APPL2: variants seen among roughly 807,000 people sequenced by gnomAD.
The protein encoded by APPL2 is DCC-interacting protein 13-beta.
A neutral mutation model predicts 92.7 loss-of-function variants in APPL2; 84 were observed. The ratio of observed to expected loss-of-function variants is 0.91; its 90% CI spans 0.76 to 1.09. APPL2 has a LOEUF of 1.09. Ranked by LOEUF, APPL2 falls within the 50% of genes least tolerant of loss-of-function variation. The pLI is 0.00. For missense variants in APPL2, 736 were observed against 824.5 expected, an observed-to-expected ratio of 0.89 and a Z score of 1.31; for synonymous variants, 291 against 291.0, an observed-to-expected ratio of 1.00 and a Z score of 0.00.
intron 17 of APPL2, among the ~76,000 whole-genome samples, chr12:105,185,071 C>T (rs1195121299): frequency 6.6e-6 from 1 of 152,166 alleles, no homozygotes; most frequent in Non-Finnish European, 1.5e-5. Context: ...GGAAAACCAC[C>T]TACTCAAGCC....
chr12:105,235,865 T>A, intron 1 of APPL2, 94 bp downstream of exon 1: 1 of 1,078,730 alleles, frequency 9.3e-7, no homozygotes, highest in Non-Finnish European at 1.2e-6. Context: ...CTCCCGCGGC[T>A]GCCCGGCCGG....
intron 14 of APPL2, among the ~76,000 whole-genome samples, chr12:105,192,924 T>G (rs1433381232): frequency 6.6e-6 from 1 of 152,190 alleles, no homozygotes; most frequent in Non-Finnish European, 1.5e-5. Context: ...TAGAAGTAAA[T>G]AGCAGTTTGT....
At chr12:105,200,864 G>GTATGTATGTATCTATC (rs757298388) in intron 9 of APPL2, among the ~76,000 whole-genome samples, 78 of 135,064 alleles carry the variant, frequency 5.8e-4, no homozygotes, top group East Asian at 8.7e-4. Flanking sequence ...ATGTATGTAT[G>GTATGTATGTATCTATC]TATCTATCTA....
intron 2 of APPL2, among the ~76,000 whole-genome samples, chr12:105,227,109 A>C (rs1890567594): frequency 6.7e-6 from 1 of 148,882 alleles, no homozygotes; most frequent in Non-Finnish European, 1.5e-5. Context: ...TGACAGAGTA[A>C]GACCCTGTCT....
intron 19 of APPL2, chr12:105,176,465 CAA>C: frequency 6.8e-6 from 3 of 438,102 alleles, no homozygotes. Context: ...CAGATAGAGT[CAA>C]AAGTTTTTCA....
chr12:105,219,663 A>C (rs913812163), intron 2 of APPL2, among the ~76,000 whole-genome samples: 1 of 152,260 alleles, frequency 6.6e-6, no homozygotes, highest in African/African-American at 2.4e-5. Context: ...CTGTACAAGG[A>C]AACATCACAA....
chr12:105,197,373 C>T (rs1334915524), intron 11 of APPL2, among the ~76,000 whole-genome samples: 2 of 152,166 alleles, frequency 1.3e-5, no homozygotes, highest in Non-Finnish European at 2.9e-5. Context: ...TCAGGAAGGT[C>T]GTCCTTACCA....
intron 10 of APPL2, among the ~76,000 whole-genome samples, chr12:105,198,247 C>CCGA (rs370188958): frequency 6.6e-6 from 1 of 152,264 alleles, no homozygotes; most frequent in African/African-American, 2.4e-5. Context: ...TAGAATGAGT[C>CCGA]CGACACCATT....
At chr12:105,186,674 G>A (rs970364696) in intron 17 of APPL2, among the ~76,000 whole-genome samples, 1 of 47,448 alleles carries the variant, frequency 2.1e-5, no homozygotes, top group Non-Finnish European at 5.7e-5. Context: ...TCATATATAT[G>A]ATATATCATA....
In APPL2 at chr12:105,188,287, G is replaced by C; in HGVS notation, c.1620C>G (p.Thr540=). The change falls in exon 17 of 21, where the codon ACC becomes ACG. Residue 540 remains threonine, a synonymous_variant. Coordinates refer to ENST00000258530, the MANE Select transcript of APPL2 (RefSeq NM_018171.5). The part of the protein sequence containing the change: ...FRMTESHLMV[T]SQSLRLIDPQ... ...ACTGAACGTACCTCAAAGATTGACT[G>C]GTGACCATCAGATGGGATTCTGTCA... 4 of 1,614,082 alleles carry C rather than the reference G, an allele frequency of 2.5e-6. No individual in the cohort carries two copies. The highest frequency in any genetic ancestry group is 3.4e-6 in the Non-Finnish European group (4 of 1,179,980).
intron 9 of APPL2, among the ~76,000 whole-genome samples, chr12:105,201,298 G>C (rs994797945): frequency 6.6e-6 from 1 of 152,182 alleles, no homozygotes; most frequent in African/African-American, 2.4e-5. Context: ...CCTTAAGACA[G>C]GTAAGCTAGA....
At chr12:105,189,910 AG>A in intron 15 of APPL2, 80 bp downstream of exon 15, 1 of 1,611,078 alleles carries the variant, frequency 6.2e-7, no homozygotes, top group Non-Finnish European at 8.5e-7. Flanking sequence ...GAATGGCAAC[AG>A]TCTTTGGTGG....
chr12:105,206,151 T>G (rs1460017196), intron 8 of APPL2, among the ~76,000 whole-genome samples: 1 of 152,246 alleles, frequency 6.6e-6, no homozygotes, highest in South Asian at 2.1e-4. Context: ...AAAGCTCCTC[T>G]CTCATTCCCC....
chr12:105,226,980 G>A (rs1350233236), intron 2 of APPL2, among the ~76,000 whole-genome samples: 1 of 151,988 alleles, frequency 6.6e-6, no homozygotes, highest in African/African-American at 2.4e-5. Flanking sequence ...AATTAGCTGG[G>A]TGTGGTGGTG....
At chr12:105,218,840 C>T (rs1180861627) in intron 2 of APPL2, among the ~76,000 whole-genome samples, 1 of 151,720 alleles carries the variant, frequency 6.6e-6, no homozygotes, top group Non-Finnish European at 1.5e-5. Flanking sequence ...AAACACTGCT[C>T]TTCAAGAGCT....
Position 105,207,078 on chromosome 12 carries a change from C to G in APPL2, c.604G>C (p.Gly202Arg). The change falls in exon 8 of 21, where the codon GGC becomes CGC. Residue 202 changes from glycine (G) to arginine (R), a missense_variant. Coordinates refer to ENST00000258530, the MANE Select transcript of APPL2 (RefSeq NM_018171.5). ...KQMAMMEPMI[G>R]FAHGQINFFK... is the part of the protein sequence containing the mutation. ...TCCCCTACCTGTCCATGGGCAAAGCCTATCATGGGCTCCATCATGGCCATT... is the reference window on the plus strand; with the variant it reads ...TCCCCTACCTGTCCATGGGCAAAGCGTATCATGGGCTCCATCATGGCCATT... 9 of 1,614,088 alleles carry G rather than the reference C, an allele frequency of 5.6e-6. No homozygotes were observed. The highest frequency in any genetic ancestry group is 7.6e-6 in the Non-Finnish European group (9 of 1,179,992).
rs1566039579 is a variant in APPL2 at position 105,173,338 on chromosome 12, A to C, written c.*976T>G. On this transcript the variant is annotated 3_prime_UTR_variant, in exon 21 of 21. Transcript: ENST00000258530. ...TTTTATTGCTAGGTTAATTTATTACAAAGATAATAATAGTCTGTTGAACTT... is the reference window on the plus strand; with the variant it reads ...TTTTATTGCTAGGTTAATTTATTACCAAGATAATAATAGTCTGTTGAACTT... 3 of 148,150 alleles carry C rather than the reference A, an allele frequency of 2.0e-5. No homozygotes were observed. The highest frequency in any genetic ancestry group is 1.3e-4 in the Admixed American group (2 of 14,964). The allele number at this position is 148,150 out of a possible 1,614,324, so 9.2% of individuals were successfully genotyped here. A position where few individuals can be genotyped will look rare whatever the true frequency, so the allele number is the denominator to read the frequency against.
At chr12:105,223,779 A>G (rs192794672) in intron 2 of APPL2, among the ~76,000 whole-genome samples, 91 of 152,352 alleles carry the variant, frequency 6.0e-4, no homozygotes, top group Admixed American at 2.2e-3. Flanking sequence ...TTATCATAAA[A>G]CAGAAGACGG....
In APPL2 at chr12:105,186,642, TATG is replaced by T. The variant is rs374265395; in HGVS notation, c.1634+1628_1634+1630del. 7.0e-3 allele frequency among the ~76,000 whole-genome samples: 444 copies of T among 63,432 alleles called. 2 individuals are homozygous for T. The highest frequency in any genetic ancestry group is 0.024 in the South Asian group (34 of 1,410). 41.6% of individuals were successfully genotyped at this position (63,432 alleles called of 152,430 possible). On this transcript the variant is annotated intron_variant, in intron 17 of 20. Coordinates refer to ENST00000258530, the MANE Select transcript of APPL2 (RefSeq NM_018171.5). ...ATATATATATCATATATATCATATA[TATG>T]ATATCGATATCATATATATCATATA...
Sources: allele counts gnomAD v4.1 joint callset (sites outside exome capture counted in the v4.1 genomes callset), GRCh38; gene constraint gnomAD v4.1.1; transcripts MANE v1.5; gene names NCBI Gene and HGNC (gene_info 2026-07-23, HGNC 2026-07-21).